RHOA: variants seen among roughly 807,000 people sequenced by gnomAD.
RHOA encodes transforming protein RhoA.
RHOA carries 3 observed loss-of-function variants against 17.5 expected under a neutral mutation model. The observed-to-expected ratio is 0.17, with a 90% CI of 0.08 to 0.44. The LOEUF (loss-of-function observed/expected upper bound fraction) is 0.44. Among genes scored for constraint, RHOA ranks in the 20% least tolerant of loss-of-function variants. The probability of loss-of-function intolerance (pLI) is 0.99; values close to 1 mark genes in which losing one functional copy is unlikely to be tolerated. For synonymous variants in RHOA, 98 were observed against 88.4 expected (o/e 1.11, Z -0.61); for missense variants, 56 against 242.3 (o/e 0.23, Z 5.10).
At chr3:49,407,932 G>C (rs1485356626) in intron 1 of RHOA, among the ~76,000 whole-genome samples, 1 of 151,994 alleles carries the variant, frequency 6.6e-6, no homozygotes, top group Admixed American at 6.6e-5. Flanking sequence ...GAGGCCAAGG[G>C]GGGCAGATCA....
chr3:49,385,745 G>T (rs2048386708), intron 1 of RHOA, among the ~76,000 whole-genome samples: 1 of 151,846 alleles, frequency 6.6e-6, no homozygotes, highest in Non-Finnish European at 1.5e-5. Flanking sequence ...GATTCATTTT[G>T]AGTTAATTTT....
intron 1 of RHOA, among the ~76,000 whole-genome samples, chr3:49,381,035 A>G (rs2107859960): frequency 6.6e-6 from 1 of 151,974 alleles, no homozygotes; most frequent in East Asian, 1.9e-4. Flanking sequence ...AATTGAAGAT[A>G]CTACTAATCA....
chr3:49,387,063 G>C lies in RHOA; in HGVS notation c.-2-11472C>G, dbSNP rs1206625091. Among the ~76,000 whole-genome samples the C allele has an allele frequency of 2.1e-5, 3 of 142,616 alleles. No homozygotes were observed. The East Asian group carries it at 6.1e-4, about 29-fold the overall frequency. 93.6% of individuals were successfully genotyped at this position (142,616 alleles called of 152,430 possible). The stretch of plus-strand genomic sequence containing the variant: ...ACCTGGGAGGCGGAGGTTGCAGTGA[G>C]CCGAGATCACGCCATTCCACTCCAG... On this transcript the variant is annotated intron_variant, in intron 1 of 4. Coordinates refer to ENST00000418115, the MANE Select transcript of RHOA (RefSeq NM_001664.4).
chr3:49,395,414 A>C (rs909135562), intron 1 of RHOA, among the ~76,000 whole-genome samples: 3 of 152,236 alleles, frequency 2.0e-5, no homozygotes, highest in African/African-American at 4.8e-5. Flanking sequence ...TGTAATTAAT[A>C]GAGAAACAAA....
intron 1 of RHOA, among the ~76,000 whole-genome samples, chr3:49,383,262 T>C (rs2048346183): frequency 6.6e-6 from 1 of 150,852 alleles, no homozygotes; most frequent in Non-Finnish European, 1.5e-5. Context: ...CTACTAAAAA[T>C]ACAAAAAATT....
chr3:49,377,297 G>A (rs750289282), intron 1 of RHOA, among the ~76,000 whole-genome samples: 5 of 151,356 alleles, frequency 3.3e-5, no homozygotes, highest in Non-Finnish European at 7.4e-5. Context: ...GAGAGGGGAG[G>A]GGAGAAAGAA....
chr3:49,368,383 T>C, intron 3 of RHOA, 45 bp downstream of exon 3: 1 of 1,588,650 alleles, frequency 6.3e-7, no homozygotes, highest in Non-Finnish European at 8.6e-7. Flanking sequence ...AGATGCCAAC[T>C]AGCTACACAG....
chr3:49,402,653 A>G (rs1450553500), intron 1 of RHOA, among the ~76,000 whole-genome samples: 1 of 151,952 alleles, frequency 6.6e-6, no homozygotes, highest in Admixed American at 6.6e-5. Flanking sequence ...CAGCCTGGGA[A>G]ACAGATCAAG....
At chr3:49,409,069 T>C (rs1043674981) in intron 1 of RHOA, among the ~76,000 whole-genome samples, 1 of 149,612 alleles carries the variant, frequency 6.7e-6, no homozygotes, top group Non-Finnish European at 1.5e-5. Flanking sequence ...ATTACAGGCA[T>C]GAACCACCGC....
chr3:49,383,617 G>A (rs764596347), intron 1 of RHOA, among the ~76,000 whole-genome samples: 24 of 151,936 alleles, frequency 1.6e-4, no homozygotes, highest in Admixed American at 4.6e-4. Flanking sequence ...CATTCCTTCC[G>A]GGTGCTCTGG....
chr3:49,408,003 T>C (rs963398603), intron 1 of RHOA, among the ~76,000 whole-genome samples: 3 of 151,932 alleles, frequency 2.0e-5, no homozygotes, highest in Non-Finnish European at 1.5e-5. Context: ...CTACTAAAAA[T>C]ACAAAAATTA....
intron 1 of RHOA, among the ~76,000 whole-genome samples, chr3:49,379,257 A>G (rs1030420748): frequency 1.2e-4 from 18 of 152,308 alleles, no homozygotes; most frequent in African/African-American, 4.1e-4. Context: ...GAAATGTTAT[A>G]TAAGTGAAAG....
intron 1 of RHOA, among the ~76,000 whole-genome samples, chr3:49,408,895 C>A (rs1453441467): frequency 2.0e-5 from 3 of 151,926 alleles, no homozygotes; most frequent in African/African-American, 4.8e-5. Flanking sequence ...CGGGTTCACG[C>A]CATTCCCCTG....
In RHOA at chr3:49,360,189, G is replaced by A. The variant is rs750801629; in HGVS notation, c.*20C>T. The A allele has an allele frequency of 6.2e-7, 1 of 1,610,446 alleles. No homozygotes were observed. The highest frequency in any genetic ancestry group is 1.1e-5 in the South Asian group (1 of 90,348). On this transcript the variant is annotated 3_prime_UTR_variant, in exon 5 of 5. Transcript: ENST00000418115. The stretch of plus-strand genomic sequence containing the variant: ...GCACTTCAAAATTAACCGCATAAGG[G>A]CTGTGCTTGCAGCAAGGTTTCACAA...
chr3:49,376,443 A>T (rs2048228646), intron 1 of RHOA, among the ~76,000 whole-genome samples: 1 of 150,954 alleles, frequency 6.6e-6, no homozygotes, highest in African/African-American at 2.4e-5. Context: ...GGAGATCGAG[A>T]CCATCCTGGC....
At chr3:49,403,208 C>T (rs1302135298) in intron 1 of RHOA, among the ~76,000 whole-genome samples, 2 of 151,782 alleles carry the variant, frequency 1.3e-5, no homozygotes, top group Non-Finnish European at 2.9e-5. Flanking sequence ...TGTGGTGGCA[C>T]GCACCTGTAG....
intron 2 of RHOA, among the ~76,000 whole-genome samples, chr3:49,372,733 CAAAAA>C (rs11460016): frequency 1.2e-5 from 1 of 83,144 alleles, no homozygotes; most frequent in Non-Finnish European, 2.5e-5. Context: ...GACTCTGTCT[CAAAAA>C]AAAAAAAAAA....
intron 1 of RHOA, among the ~76,000 whole-genome samples, chr3:49,410,763 T>C (rs2048919237): frequency 6.6e-6 from 1 of 152,188 alleles, no homozygotes; most frequent in Non-Finnish European, 1.5e-5. Context: ...GGTTTTTCAA[T>C]TTTTCTCCTT....
intron 1 of RHOA, among the ~76,000 whole-genome samples, chr3:49,385,184 G>C (rs1280309847): frequency 6.6e-6 from 1 of 151,768 alleles, no homozygotes; most frequent in Non-Finnish European, 1.5e-5. Context: ...TGGGACTACA[G>C]GGGTGAGCCA....
Sources: gnomAD v4.1 joint callset for allele counts (sites outside exome capture counted in the v4.1 genomes callset) on GRCh38, gnomAD v4.1.1 for gene constraint, MANE v1.5 for transcripts, NCBI Gene and HGNC (gene_info 2026-07-23, HGNC 2026-07-21) for gene names.